CDH13: variants seen among roughly 807,000 people sequenced by gnomAD.
The protein encoded by CDH13 is cadherin 13.
CDH13 carries 24 observed loss-of-function variants against 63.8 expected under a neutral mutation model. The ratio of observed to expected loss-of-function variants is 0.38; its 90% CI spans 0.27 to 0.53. CDH13 has a LOEUF of 0.53. CDH13 is among the 20% of genes least tolerant of loss of function. The probability of loss-of-function intolerance (pLI) is 0.85; values close to 1 mark genes in which losing one functional copy is unlikely to be tolerated. For synonymous variants in CDH13, 503 were observed against 355.3 expected (o/e 1.42, Z -4.67); for missense variants, 1,049 against 903.1 (o/e 1.16, Z -2.07).
intron 3 of CDH13, among the ~76,000 whole-genome samples, chr16:83,036,849 C>T (rs1047572518): frequency 6.6e-6 from 1 of 152,168 alleles, no homozygotes; most frequent in Non-Finnish European, 1.5e-5. Flanking sequence ...TTAGCCTGCA[C>T]ACCCATACAC....
intron 6 of CDH13, among the ~76,000 whole-genome samples, chr16:83,455,429 C>T (rs2072995975): frequency 6.6e-6 from 1 of 152,118 alleles, no homozygotes. Context: ...TCCATTGCTG[C>T]CGTGTCTCTG....
chr16:82,941,489 A>T (rs1904286211), intron 2 of CDH13, among the ~76,000 whole-genome samples: 1 of 152,212 alleles, frequency 6.6e-6, no homozygotes, highest in South Asian at 2.1e-4. Context: ...TTTACATTGC[A>T]CAATCCACGT....
chr16:83,643,283 TAAA>T (rs1195185794), intron 8 of CDH13, among the ~76,000 whole-genome samples: 3 of 93,832 alleles, frequency 3.2e-5, no homozygotes, highest in Non-Finnish European at 6.1e-5. Flanking sequence ...TAGAGTATAA[TAAA>T]AAAAAAAAAA....
At position 83,255,428 on chromosome 16, in the gene CDH13, T is replaced by C. The variant is rs1237745188; in HGVS notation, c.636+37931T>C. 2.0e-5 allele frequency among the ~76,000 whole-genome samples: 3 copies of C among 152,190 alleles called. No individual in the cohort carries two copies. The East Asian group carries it at 5.8e-4, about 29-fold the overall frequency. The stretch of plus-strand genomic sequence containing the variant: ...CACAGATAAAAGACTATTAAGTCTC[T>C]TAAATGCTGGAAAATGTCTTCATGA... On this transcript the variant is annotated intron_variant, in intron 5 of 13. Transcript: ENST00000567109.
At chr16:83,004,896 C>T (rs1597392297) in intron 2 of CDH13, among the ~76,000 whole-genome samples, 1 of 152,308 alleles carries the variant, frequency 6.6e-6, no homozygotes, top group African/African-American at 2.4e-5. Flanking sequence ...ATGGAGATGG[C>T]ACTTGTCATC....
chr16:83,188,392 T>A (rs1597486908), intron 4 of CDH13, among the ~76,000 whole-genome samples: 1 of 152,176 alleles, frequency 6.6e-6, no homozygotes, highest in East Asian at 1.9e-4. Flanking sequence ...GGATTTTAGC[T>A]CTGTTTTATT....
At chr16:82,834,958 A>C (rs1238069023) in intron 1 of CDH13, among the ~76,000 whole-genome samples, 3 of 152,182 alleles carry the variant, frequency 2.0e-5, no homozygotes, top group Non-Finnish European at 4.4e-5. Flanking sequence ...CTGGCTCTTT[A>C]AGAAAATGTT....
chr16:83,544,102 G>A (rs1235189568), intron 7 of CDH13, among the ~76,000 whole-genome samples: 2 of 152,098 alleles, frequency 1.3e-5, no homozygotes, highest in African/African-American at 4.8e-5. Flanking sequence ...AGTGTGCTTC[G>A]AGCACACCCT....
intron 1 of CDH13, among the ~76,000 whole-genome samples, chr16:82,830,712 T>C (rs1447456551): frequency 1.3e-5 from 2 of 152,226 alleles, no homozygotes; most frequent in Non-Finnish European, 2.9e-5. Context: ...CATAGCTGTA[T>C]TGACACATGT....
At chr16:83,569,254 A>C (rs1032787202) in intron 7 of CDH13, among the ~76,000 whole-genome samples, 9 of 152,020 alleles carry the variant, frequency 5.9e-5, no homozygotes, top group Non-Finnish European at 1.0e-4. Context: ...TGTCCCCACC[A>C]AACCTCCCCT....
At chr16:82,878,681 G>A (rs921775452) in intron 2 of CDH13, among the ~76,000 whole-genome samples, 4 of 151,032 alleles carry the variant, frequency 2.6e-5, no homozygotes, top group African/African-American at 9.7e-5. Context: ...GTCCAATGGC[G>A]GGGGTTGGGG....
intron 10 of CDH13, among the ~76,000 whole-genome samples, chr16:83,738,652 A>T (rs1454199910): frequency 6.6e-6 from 1 of 152,196 alleles, no homozygotes; most frequent in Non-Finnish European, 1.5e-5. Context: ...TCAAGCCTGT[A>T]ATCCCAGCAC....
intron 2 of CDH13, among the ~76,000 whole-genome samples, chr16:83,020,607 T>G (rs1915257724): frequency 6.6e-6 from 1 of 152,254 alleles, no homozygotes; most frequent in South Asian, 2.1e-4. Context: ...GTCTGTGGTT[T>G]GTGAATCTTT....
At chr16:83,336,718 A>C (rs564483326) in intron 5 of CDH13, among the ~76,000 whole-genome samples, 1 of 152,342 alleles carries the variant, frequency 6.6e-6, no homozygotes, top group African/African-American at 2.4e-5. Context: ...AGAGTTAAAG[A>C]GGTCATCAAA....
chr16:83,403,228 A>G (rs1448009503), intron 6 of CDH13, among the ~76,000 whole-genome samples: 1 of 152,070 alleles, frequency 6.6e-6, no homozygotes, highest in Non-Finnish European at 1.5e-5. Flanking sequence ...ACAGATTAGC[A>G]AAGCAGGAGT....
intron 1 of CDH13, among the ~76,000 whole-genome samples, chr16:82,806,940 A>G (rs1224006628): frequency 6.6e-6 from 1 of 152,218 alleles, no homozygotes; most frequent in African/African-American, 2.4e-5. Flanking sequence ...ATGTGGGCAT[A>G]GCAGTCATCA....
intron 1 of CDH13, chr16:82,824,062 A>C (rs973684650): frequency 1.3e-5 from 2 of 152,160 alleles, no homozygotes; most frequent in African/African-American, 4.8e-5. Context: ...AATCTGTAAA[A>C]TCTTGTCATA....
intron 7 of CDH13, among the ~76,000 whole-genome samples, chr16:83,497,568 G>A (rs750196310): frequency 7.4e-4 from 112 of 151,934 alleles, no homozygotes; most frequent in Non-Finnish European, 1.3e-3. Flanking sequence ...GCTAGATGAC[G>A]AGTTGGTGGG....
intron 4 of CDH13, among the ~76,000 whole-genome samples, chr16:83,194,489 C>G (rs2038815916): frequency 6.6e-6 from 1 of 152,172 alleles, no homozygotes; most frequent in Admixed American, 6.5e-5. Context: ...GTCAGGCCTT[C>G]CAAGCTGTCA....
Sources: allele counts gnomAD v4.1 joint callset (sites outside exome capture counted in the v4.1 genomes callset), GRCh38; gene constraint gnomAD v4.1.1; transcripts MANE v1.5; gene names NCBI Gene and HGNC (gene_info 2026-07-23, HGNC 2026-07-21).